The following POU6F2 variants were observed in gnomAD, a reference collection of about 807,000 sequenced individuals.
The protein encoded by POU6F2 is POU domain, class 6, transcription factor 2.
POU6F2 carries 31 observed loss-of-function variants against 71.3 expected under a neutral mutation model. That is an observed-to-expected ratio of 0.43 (90% confidence interval 0.33 to 0.59). The LOEUF (loss-of-function observed/expected upper bound fraction) is 0.59. Among genes scored for constraint, POU6F2 ranks in the 20% least tolerant of loss-of-function variants. The probability of loss-of-function intolerance (pLI) is 0.04; values close to 1 mark genes in which losing one functional copy is unlikely to be tolerated. For synonymous variants in POU6F2, 347 were observed against 355.7 expected (o/e 0.98, Z 0.27); for missense variants, 783 against 856.8 (o/e 0.91, Z 1.07).
chr7:39,187,287 G>C (rs1793560254), intron 2 of POU6F2, among the ~76,000 whole-genome samples: 3 of 152,210 alleles, frequency 2.0e-5, no homozygotes, highest in Admixed American at 2.0e-4. Flanking sequence ...ATCCCTGCCT[G>C]GGGCTGGTGC....
At chr7:39,424,448 A>G (rs1406360989) in intron 6 of POU6F2, among the ~76,000 whole-genome samples, 3 of 152,210 alleles carry the variant, frequency 2.0e-5, no homozygotes, top group Non-Finnish European at 4.4e-5. Context: ...TATGCTTTTC[A>G]TTATGCCAAT....
chr7:39,052,894 T>G (rs1790425093), intron 1 of POU6F2, among the ~76,000 whole-genome samples: 1 of 152,148 alleles, frequency 6.6e-6, no homozygotes, highest in African/African-American at 2.4e-5. Flanking sequence ...TTTCAAATCA[T>G]GATTCTACTT....
chr7:39,249,553 G>A (rs544133121), intron 4 of POU6F2, among the ~76,000 whole-genome samples: 1 of 152,276 alleles, frequency 6.6e-6, no homozygotes, highest in South Asian at 2.1e-4. Flanking sequence ...TATCAGTTAG[G>A]ACATTTTGCT....
chr7:39,361,624 A>G (rs1336106655), intron 5 of POU6F2, among the ~76,000 whole-genome samples: 6 of 152,226 alleles, frequency 3.9e-5, no homozygotes, highest in Non-Finnish European at 7.3e-5. Flanking sequence ...TGTTAGTAAC[A>G]TGTACCTATT....
At chr7:39,454,312 G>C (rs1212036220) in intron 8 of POU6F2, among the ~76,000 whole-genome samples, 1 of 152,042 alleles carries the variant, frequency 6.6e-6, no homozygotes, top group Non-Finnish European at 1.5e-5. Context: ...TTTTGTGGCA[G>C]CTGCATCATG....
chr7:39,373,138 A>G (rs556565477), intron 5 of POU6F2, among the ~76,000 whole-genome samples: 11 of 152,282 alleles, frequency 7.2e-5, no homozygotes, highest in South Asian at 2.1e-4. Flanking sequence ...TTTGCTATCA[A>G]TCAGGATTAA....
chr7:39,030,530 A>ATG (rs1789915489), intron 1 of POU6F2, among the ~76,000 whole-genome samples: 1 of 125,632 alleles, frequency 8.0e-6, no homozygotes, highest in Non-Finnish European at 1.7e-5. Flanking sequence ...ATATATATAT[A>ATG]TATATATATA....
intron 4 of POU6F2, among the ~76,000 whole-genome samples, chr7:39,313,867 C>T (rs376280779): frequency 6.6e-6 from 1 of 152,254 alleles, no homozygotes; most frequent in Non-Finnish European, 1.5e-5. Flanking sequence ...ATAAAATCAG[C>T]GTCTTCATAA....
At chr7:38,989,827 T>TTGTGTGTGTGTGTGTGTGTGTGTGTTTG (rs144183792) in intron 1 of POU6F2, among the ~76,000 whole-genome samples, 2 of 130,322 alleles carry the variant, frequency 1.5e-5, no homozygotes, top group Admixed American at 7.4e-5. Context: ...GTGTGTGTGT[T>TTGTGTGTGTGTGTGTGTGTGTGTGTTTG]TGTGTGTGTG....
intron 4 of POU6F2, among the ~76,000 whole-genome samples, chr7:39,312,971 C>T (rs1785195266): frequency 6.6e-6 from 1 of 152,112 alleles, no homozygotes; most frequent in Non-Finnish European, 1.5e-5. Flanking sequence ...CACTGCTGAC[C>T]ACGGGTAATT....
chr7:39,302,630 A>G (rs933957383), intron 4 of POU6F2, among the ~76,000 whole-genome samples: 5 of 152,252 alleles, frequency 3.3e-5, no homozygotes, highest in Admixed American at 6.5e-5. Flanking sequence ...CAGAATTTCA[A>G]TAAGTACATT....
chr7:39,039,832 A>G (rs952269437), intron 1 of POU6F2, among the ~76,000 whole-genome samples: 11 of 150,750 alleles, frequency 7.3e-5, no homozygotes, highest in African/African-American at 2.4e-4. Context: ...TTTGGAAATC[A>G]TACTGTGAAA....
At chr7:39,035,871 G>A (rs112327706) in intron 1 of POU6F2, among the ~76,000 whole-genome samples, 166 of 152,220 alleles carry the variant, frequency 1.1e-3, no homozygotes, top group African/African-American at 3.9e-3. Flanking sequence ...AGAAGGCCAA[G>A]TTCACACTGT....
intron 4 of POU6F2, among the ~76,000 whole-genome samples, chr7:39,235,367 C>T (rs1014257250): frequency 2.0e-5 from 3 of 152,200 alleles, no homozygotes; most frequent in Admixed American, 2.0e-4. Flanking sequence ...CTCATTTATA[C>T]ACATAATGAT....
intron 2 of POU6F2, chr7:39,132,548 T>C (rs1792308728): frequency 6.6e-6 from 1 of 152,280 alleles, no homozygotes; most frequent in African/African-American, 2.4e-5. Flanking sequence ...TGTCACCGTG[T>C]GAGGTATGGC....
chr7:39,319,703 G>A (rs1299480326), intron 4 of POU6F2, among the ~76,000 whole-genome samples: 2 of 152,118 alleles, frequency 1.3e-5, no homozygotes, highest in South Asian at 2.1e-4. Flanking sequence ...TTTACCTGTG[G>A]CATTTTCCAA....
intron 4 of POU6F2, among the ~76,000 whole-genome samples, chr7:39,256,059 AT>A (rs753021328): frequency 2.0e-4 from 30 of 151,868 alleles, no homozygotes; most frequent in Admixed American, 7.9e-4. Flanking sequence ...CGTGAGAATG[AT>A]TTCTGCCTTT....
intron 4 of POU6F2, among the ~76,000 whole-genome samples, chr7:39,317,846 T>C (rs1785302575): frequency 6.6e-6 from 1 of 152,194 alleles, no homozygotes; most frequent in African/African-American, 2.4e-5. Context: ...AAGGGTAAAA[T>C]TGGGTTTGAT....
intron 1 of POU6F2, among the ~76,000 whole-genome samples, chr7:39,008,359 C>CT (rs956470084): frequency 1.8e-4 from 27 of 152,220 alleles, no homozygotes; most frequent in Non-Finnish European, 3.1e-4. Flanking sequence ...CCTTCGCCCA[C>CT]TTTTTGATGG....
Sources: allele counts gnomAD v4.1 joint callset (sites outside exome capture counted in the v4.1 genomes callset), GRCh38; gene constraint gnomAD v4.1.1; transcripts MANE v1.5; gene names NCBI Gene and HGNC (gene_info 2026-07-23, HGNC 2026-07-21).